Variants in EPB41L5 observed in about 807,000 individuals in gnomAD.
The protein encoded by EPB41L5 is erythrocyte membrane protein band 4.1 like 5.
A neutral mutation model predicts 106.6 loss-of-function variants in EPB41L5; 55 were observed. The ratio of observed to expected loss-of-function variants is 0.52; its 90% CI spans 0.42 to 0.65. The LOEUF is 0.65. Ranked by LOEUF, EPB41L5 falls within the 30% of genes least tolerant of loss-of-function variation. EPB41L5 has a pLI of 0.00. For missense variants in EPB41L5, 871 were observed against 882.1 expected, an observed-to-expected ratio of 0.99 and a Z score of 0.16; for synonymous variants, 297 against 306.7, an observed-to-expected ratio of 0.97 and a Z score of 0.33.
chr2:120,115,284 G>GT (rs1194575992), intron 16 of EPB41L5, among the ~76,000 whole-genome samples: 9 of 152,100 alleles, frequency 5.9e-5, no homozygotes, highest in Non-Finnish European at 8.8e-5. Flanking sequence ...GACTTATGCT[G>GT]TTTCATTTGT....
intron 10 of EPB41L5, among the ~76,000 whole-genome samples, 195 bp downstream of exon 10, chr2:120,078,776 A>G (rs1682428407): frequency 6.6e-6 from 1 of 152,116 alleles, no homozygotes; most frequent in African/African-American, 2.4e-5. Context: ...TTCTAGCTGT[A>G]TTTCCCATTA....
chr2:120,083,604 A>C (rs868259478), intron 10 of EPB41L5, among the ~76,000 whole-genome samples: 1 of 152,196 alleles, frequency 6.6e-6, no homozygotes, highest in African/African-American at 2.4e-5. Context: ...AGAGTTCTGT[A>C]GATGTCTTAT....
At chr2:120,067,564 G>A (rs1245813559) in intron 3 of EPB41L5, among the ~76,000 whole-genome samples, 3 of 152,168 alleles carry the variant, frequency 2.0e-5, no homozygotes, top group Non-Finnish European at 4.4e-5. Flanking sequence ...GAAATATCTG[G>A]AATAGGTTTT....
chr2:120,046,996 C>A (rs1015003531), intron 3 of EPB41L5, among the ~76,000 whole-genome samples: 1 of 151,964 alleles, frequency 6.6e-6, no homozygotes, highest in Non-Finnish European at 1.5e-5. Context: ...TTTCTGAGGG[C>A]TCTGTTCTGT....
Position 120,087,211 on chromosome 2 carries a change from A to G in EPB41L5, c.844A>G (p.Thr282Ala). 1 of 1,590,940 alleles carries G rather than the reference A, an allele frequency of 6.3e-7. No homozygotes were observed. The highest frequency in any genetic ancestry group is 8.6e-7 in the Non-Finnish European group (1 of 1,160,182). Residue 282 changes from threonine (T) to alanine (A), a missense_variant, in exon 11 of 25, where the codon ACC (threonine) becomes GCC (alanine). Transcript: ENST00000263713. ...ATTGGATTTTAAGAAGAATAAATTAACCTTGGTGGTTGTAGAAGATGATGA... is the reference window on the plus strand; with the variant it reads ...ATTGGATTTTAAGAAGAATAAATTAGCCTTGGTGGTTGTAGAAGATGATGA... ...TRLDFKKNKLTLVVVEDDDQG... is the reference protein window; with the variant it reads ...TRLDFKKNKLALVVVEDDDQG...
intron 1 of EPB41L5, chr2:120,013,692 A>C (rs554708570): frequency 1.3e-5 from 2 of 152,402 alleles, no homozygotes; most frequent in South Asian, 4.1e-4. Context: ...GTGTGTTCCC[A>C]TGAAAGACGA....
intron 10 of EPB41L5, among the ~76,000 whole-genome samples, chr2:120,082,578 G>A (rs1326817198): frequency 6.6e-6 from 1 of 152,024 alleles, no homozygotes; most frequent in African/African-American, 2.4e-5. Flanking sequence ...TTTTTTTGTT[G>A]TGTCTCTGCC....
chr2:120,153,580 A>G (rs1040830434), intron 20 of EPB41L5, among the ~76,000 whole-genome samples: 1 of 152,162 alleles, frequency 6.6e-6, no homozygotes, highest in African/African-American at 2.4e-5. Flanking sequence ...GATGAATGGA[A>G]GTGAAATATT....
At chr2:120,069,735 T>A (rs1397668780) in intron 3 of EPB41L5, among the ~76,000 whole-genome samples, 1 of 152,076 alleles carries the variant, frequency 6.6e-6, no homozygotes, top group Non-Finnish European at 1.5e-5. Flanking sequence ...AATAATGAAA[T>A]TAAGGCAGAA....
Position 120,087,214 on chromosome 2 carries a change from T to G in EPB41L5, c.847T>G (p.Leu283Val). Residue 283 changes from leucine (L) to valine (V), a missense_variant, in exon 11 of 25, where the codon TTG (leucine) becomes GTG (valine). Leu to Val is a conservative substitution (Grantham distance 32, BLOSUM62 1). Transcript: ENST00000263713. ...RLDFKKNKLT[L>V]VVVEDDDQGK... ...GGATTTTAAGAAGAATAAATTAACC[T>G]TGGTGGTTGTAGAAGATGATGATCA... 7 of 1,585,112 alleles carry G rather than the reference T, an allele frequency of 4.4e-6. No individual in the cohort carries two copies. Among genetic ancestry groups the G allele is most frequent in the Non-Finnish European group, 6.1e-6 (7 of 1,154,882 alleles).
chr2:120,124,736 A>G (rs951008742), intron 16 of EPB41L5, among the ~76,000 whole-genome samples: 3 of 152,008 alleles, frequency 2.0e-5, no homozygotes, highest in Non-Finnish European at 4.4e-5. Context: ...TTCATTTTTC[A>G]TGTTTCTTTA....
chr2:120,062,896 T>G (rs1040473943), intron 3 of EPB41L5, among the ~76,000 whole-genome samples: 1 of 152,310 alleles, frequency 6.6e-6, no homozygotes, highest in Non-Finnish European at 1.5e-5. Flanking sequence ...AAAATAGTGA[T>G]GAGGAGTGTG....
chr2:120,056,985 C>G (rs1382942236), intron 3 of EPB41L5, among the ~76,000 whole-genome samples: 2 of 152,152 alleles, frequency 1.3e-5, no homozygotes, highest in African/African-American at 4.8e-5. Context: ...CGGCCTCAAC[C>G]TCCCAGGCTC....
intron 22 of EPB41L5, among the ~76,000 whole-genome samples, chr2:120,166,298 A>G (rs1173960647): frequency 1.3e-5 from 2 of 152,204 alleles, no homozygotes; most frequent in Non-Finnish European, 2.9e-5. Context: ...ACCAGCTTAG[A>G]TTAATAAACA....
intron 3 of EPB41L5, among the ~76,000 whole-genome samples, chr2:120,069,440 G>A (rs1246842421): frequency 6.6e-6 from 1 of 152,028 alleles, no homozygotes; most frequent in Admixed American, 6.5e-5. Flanking sequence ...AGGATATTTA[G>A]GACTTGAACT....
At chr2:120,016,152 C>T (rs989075045) in intron 1 of EPB41L5, among the ~76,000 whole-genome samples, 33 of 151,830 alleles carry the variant, frequency 2.2e-4, no homozygotes, top group African/African-American at 7.7e-4. Flanking sequence ...AGTATTGGTC[C>T]GGCGAGGTGG....
Position 120,061,002 on chromosome 2 carries a change from G to A in EPB41L5, c.286-12176G>A, listed in dbSNP as rs533662128. Among the ~76,000 whole-genome samples the A allele has an allele frequency of 1.6e-4, 22 of 138,828 alleles. No individual in the cohort carries two copies. The East Asian group carries it at 5.0e-3, about 32-fold the overall frequency. 91.1% of individuals were successfully genotyped at this position (138,828 alleles called of 152,430 possible). A position where few individuals can be genotyped will look rare whatever the true frequency, so the allele number is the denominator to read the frequency against. Reference sequence around the variant, plus strand: ...GTGAAGTTTGAAAAGGTTATATATAGAGATTAGAATTTTAACTGGTTCAGG... The same window carrying A: ...GTGAAGTTTGAAAAGGTTATATATAAAGATTAGAATTTTAACTGGTTCAGG... On this transcript the variant is annotated intron_variant, in intron 3 of 24. Transcript: ENST00000263713.
intron 3 of EPB41L5, among the ~76,000 whole-genome samples, chr2:120,071,205 A>G (rs1386788633): frequency 6.6e-6 from 1 of 152,140 alleles, no homozygotes. Flanking sequence ...CAGAGAGCCA[A>G]ATCATGAGTG....
chr2:120,120,541 G>T (rs1685170535), intron 16 of EPB41L5, among the ~76,000 whole-genome samples: 1 of 150,926 alleles, frequency 6.6e-6, no homozygotes, highest in South Asian at 2.1e-4. Context: ...CCCTAGGATT[G>T]TTTAATTCTA....
Sources: allele counts gnomAD v4.1 joint callset (sites outside exome capture counted in the v4.1 genomes callset), GRCh38; gene constraint gnomAD v4.1.1; transcripts MANE v1.5; gene names NCBI Gene and HGNC (gene_info 2026-07-23, HGNC 2026-07-21).